The following SEMA3A variants were observed in gnomAD, a reference collection of about 807,000 sequenced individuals.
SEMA3A encodes the protein semaphorin 3A, also known as semaphorin-3A.
Under a neutral mutation model 97.9 loss-of-function variants are expected in SEMA3A, and 29 were observed. That is an observed-to-expected ratio of 0.30 (90% CI 0.22 to 0.40). The LOEUF is 0.40. Among genes scored for constraint, SEMA3A ranks in the 10% least tolerant of loss-of-function variants. SEMA3A has a pLI of 1.00. For synonymous variants in SEMA3A, 321 were observed against 323.7 expected (o/e 0.99, Z 0.09); for missense variants, 763 against 951.3 (o/e 0.80, Z 2.60).
chr7:84,250,093 T>G (rs911810881), intron 3 of SEMA3A, among the ~76,000 whole-genome samples: 1 of 152,058 alleles, frequency 6.6e-6, no homozygotes, highest in African/African-American at 2.4e-5. Flanking sequence ...GAGAAAATCT[T>G]ATAATCAGTT....
At chr7:84,265,628 C>A (rs927163814) in intron 3 of SEMA3A, among the ~76,000 whole-genome samples, 1 of 150,848 alleles carries the variant, frequency 6.6e-6, no homozygotes, top group Non-Finnish European at 1.5e-5. Context: ...TTTGAATGAA[C>A]TGGAACTAAA....
rs1365180378 is a variant in SEMA3A, at chr7:84,331,841, G to A, written c.-168-24549C>T. On this transcript the variant is annotated intron_variant, in intron 2 of 3. Transcript: ENST00000424555. ...TGTGGCAGAAAAGGGGGAAATGGAA[G>A]GCAGGAAAGTCCAATCTGCTGGAGT... 2.0e-5 allele frequency among the ~76,000 whole-genome samples: 3 copies of A among 152,132 alleles called. No homozygotes were observed. In the East Asian group the frequency reaches 5.8e-4, roughly 29 times the overall value.
At chr7:84,199,945 T>C (rs148883871), upstream of SEMA3A, among the ~76,000 whole-genome samples, 2 of 152,254 alleles carry the variant, frequency 1.3e-5, no homozygotes, top group East Asian at 3.9e-4. Context: ...CTGACCCTTA[T>C]GAATGCTTTC....
chr7:84,251,067 A>G (rs1011545511), intron 3 of SEMA3A, among the ~76,000 whole-genome samples: 4 of 152,210 alleles, frequency 2.6e-5, no homozygotes. Flanking sequence ...TAAAATTTCA[A>G]AGTATAAATA....
intron 6 of SEMA3A, 58 bp downstream of exon 6, chr7:84,046,266 T>C: frequency 6.3e-7 from 1 of 1,577,588 alleles, no homozygotes; most frequent in South Asian, 1.1e-5. Flanking sequence ...AAGAGTTCTC[T>C]AGTAACTTAA....
intron 5 of SEMA3A, among the ~76,000 whole-genome samples, chr7:84,047,143 G>T (rs55947129): frequency 6.6e-6 from 1 of 151,788 alleles, no homozygotes; most frequent in Non-Finnish European, 1.5e-5. Flanking sequence ...GACAAACCCA[G>T]ATCATAATCA....
chr7:84,398,663 C>T (rs538630002), intron 1 of SEMA3A, among the ~76,000 whole-genome samples: 54 of 151,796 alleles, frequency 3.6e-4, no homozygotes, highest in African/African-American at 1.3e-3. Flanking sequence ...TTTTAATTAG[C>T]CAAACCTGGT....
At chr7:84,400,271 G>A (rs1267570883) in intron 1 of SEMA3A, among the ~76,000 whole-genome samples, 3 of 152,092 alleles carry the variant, frequency 2.0e-5, no homozygotes, top group East Asian at 3.9e-4. Flanking sequence ...AGGAAGATAT[G>A]ATCATACCAA....
At chr7:84,254,939 T>A (rs971480405) in intron 3 of SEMA3A, among the ~76,000 whole-genome samples, 3 of 152,168 alleles carry the variant, frequency 2.0e-5, no homozygotes, top group Admixed American at 6.5e-5. Context: ...TTTAATGAAA[T>A]AAAATTTGGC....
At chr7:84,386,350 C>T (rs148340336) in intron 1 of SEMA3A, among the ~76,000 whole-genome samples, 4 of 152,166 alleles carry the variant, frequency 2.6e-5, no homozygotes, top group Non-Finnish European at 5.9e-5. Context: ...CATGCTGTTT[C>T]GATGTTTTGG....
At chr7:84,375,944 T>C (rs1467077317) in intron 1 of SEMA3A, among the ~76,000 whole-genome samples, 1 of 152,170 alleles carries the variant, frequency 6.6e-6, no homozygotes, top group African/African-American at 2.4e-5. Flanking sequence ...CATGTAGTAT[T>C]TACCTTTCTG....
intron 1 of SEMA3A, among the ~76,000 whole-genome samples, chr7:84,411,436 G>A (rs573091944): frequency 6.6e-6 from 1 of 152,060 alleles, no homozygotes; most frequent in East Asian, 1.9e-4. Context: ...TTGATTCTAT[G>A]TCCTGTTACT....
At chr7:84,228,729 T>G (rs1054674021) in intron 3 of SEMA3A, among the ~76,000 whole-genome samples, 1 of 152,138 alleles carries the variant, frequency 6.6e-6, no homozygotes, top group Non-Finnish European at 1.5e-5. Flanking sequence ...TTAAGTACCA[T>G]GTTCATTTGC....
At chr7:84,192,807 T>A (rs1236802947) in intron 1 of SEMA3A, among the ~76,000 whole-genome samples, 1 of 151,964 alleles carries the variant, frequency 6.6e-6, no homozygotes, top group Non-Finnish European at 1.5e-5. Context: ...TATATCATGA[T>A]TTTAAACTTG....
intron 5 of SEMA3A, among the ~76,000 whole-genome samples, chr7:84,057,317 G>C (rs1793024441): frequency 6.6e-6 from 1 of 152,162 alleles, no homozygotes; most frequent in Non-Finnish European, 1.5e-5. Context: ...GAAAATGTGA[G>C]ATAGTACTTA....
chr7:84,285,361 A>T (rs1474791259), intron 3 of SEMA3A, among the ~76,000 whole-genome samples: 1 of 152,098 alleles, frequency 6.6e-6, no homozygotes, highest in Admixed American at 6.6e-5. Flanking sequence ...GGCATAACAA[A>T]AGTATATAAG....
chr7:84,339,932 A>G (rs1328878900), intron 2 of SEMA3A, among the ~76,000 whole-genome samples: 1 of 152,134 alleles, frequency 6.6e-6, no homozygotes, highest in Non-Finnish European at 1.5e-5. Flanking sequence ...TAATTTGGGG[A>G]AAAATTATAA....
At chr7:84,330,974 G>T (rs1483140134) in intron 2 of SEMA3A, among the ~76,000 whole-genome samples, 1 of 152,078 alleles carries the variant, frequency 6.6e-6, no homozygotes, top group Non-Finnish European at 1.5e-5. Context: ...TGGAAAGAAA[G>T]GAAAGAATCA....
intron 2 of SEMA3A, among the ~76,000 whole-genome samples, chr7:84,355,730 G>A (rs1399086172): frequency 6.6e-6 from 1 of 151,680 alleles, no homozygotes; most frequent in Non-Finnish European, 1.5e-5. Context: ...AAAAAATTAT[G>A]TTTGCTCAAT....
Sources: allele counts gnomAD v4.1 joint callset (sites outside exome capture counted in the v4.1 genomes callset), GRCh38; gene constraint gnomAD v4.1.1; transcripts MANE v1.5; gene names NCBI Gene and HGNC (gene_info 2026-07-23, HGNC 2026-07-21).